SORCS2: variants seen among roughly 807,000 people sequenced by gnomAD.
SORCS2 encodes VPS10 domain-containing receptor SorCS2.
A neutral mutation model predicts 141.6 loss-of-function variants in SORCS2; 100 were observed. The ratio of observed to expected loss-of-function variants is 0.71; its 90% confidence interval spans 0.60 to 0.83. SORCS2 has a LOEUF of 0.83. SORCS2 is among the 40% of genes least tolerant of loss of function. The pLI is 0.00. For synonymous variants in SORCS2, 789 were observed against 676.9 expected, an observed-to-expected ratio of 1.17 and a Z score of -2.57; for missense variants, 1,646 against 1,560.2, an observed-to-expected ratio of 1.05 and a Z score of -0.93.
chr4:7,207,568 C>T (rs547420030), intron 1 of SORCS2, among the ~76,000 whole-genome samples: 17 of 152,316 alleles, frequency 1.1e-4, no homozygotes, highest in Admixed American at 7.2e-4. Context: ...CTGGGGCTGG[C>T]AGGATCCCTC....
chr4:7,434,668 G>A (rs1409737627), intron 2 of SORCS2: 1 of 1,612,572 alleles, frequency 6.2e-7, no homozygotes, highest in Non-Finnish European at 8.5e-7. Flanking sequence ...AGCGGCGGCT[G>A]CTATGTCCTG....
intron 3 of SORCS2, among the ~76,000 whole-genome samples, chr4:7,614,997 C>A (rs945280134): frequency 6.6e-6 from 1 of 152,066 alleles, no homozygotes; most frequent in African/African-American, 2.4e-5. Context: ...AGTGCTCCAC[C>A]CATCTGTTCA....
At chr4:7,268,170 T>C (rs1393178692) in intron 1 of SORCS2, among the ~76,000 whole-genome samples, 3 of 152,208 alleles carry the variant, frequency 2.0e-5, no homozygotes, top group Non-Finnish European at 4.4e-5. Context: ...CAGAGGACCC[T>C]CTGGGCTGAA....
intron 1 of SORCS2, among the ~76,000 whole-genome samples, chr4:7,357,498 C>T (rs956685323): frequency 6.6e-6 from 1 of 152,214 alleles, no homozygotes; most frequent in Admixed American, 6.5e-5. Context: ...TGCTAATGGA[C>T]TAAGTTTCCG....
At chr4:7,385,413 C>T (rs1376467475) in intron 1 of SORCS2, among the ~76,000 whole-genome samples, 2 of 152,220 alleles carry the variant, frequency 1.3e-5, no homozygotes, top group East Asian at 3.9e-4. Flanking sequence ...CCAGCCCAGC[C>T]AGCACTGTTG....
At chr4:7,593,471 A>G (rs965516888) in intron 3 of SORCS2, among the ~76,000 whole-genome samples, 6 of 152,162 alleles carry the variant, frequency 3.9e-5, no homozygotes, top group Non-Finnish European at 7.4e-5. Context: ...CTGTCCATCT[A>G]GCAAGGGCCA....
chr4:7,301,395 GC>G (rs1428878423), intron 1 of SORCS2, among the ~76,000 whole-genome samples: 1 of 152,226 alleles, frequency 6.6e-6, no homozygotes, highest in African/African-American at 2.4e-5. Flanking sequence ...GACGAGGGTG[GC>G]CAGGGCACCT....
intron 1 of SORCS2, among the ~76,000 whole-genome samples, chr4:7,252,359 C>T (rs970684949): frequency 2.0e-5 from 3 of 152,038 alleles, no homozygotes; most frequent in Admixed American, 2.0e-4. Flanking sequence ...CCGGGTGGGG[C>T]AGGGCAGAGC....
At chr4:7,334,115 C>G (rs1442857883) in intron 1 of SORCS2, among the ~76,000 whole-genome samples, 1 of 152,146 alleles carries the variant, frequency 6.6e-6, no homozygotes, top group East Asian at 1.9e-4. Context: ...ACCCTCCTCT[C>G]AAGAGCCCAC....
rs1215150591 is a variant in SORCS2 at position 7,663,009 on chromosome 4, A to G, written c.953-1344A>G. On this transcript the variant is annotated intron_variant, in intron 6 of 26. Coordinates refer to ENST00000507866, the MANE Select transcript of SORCS2 (RefSeq NM_020777.3). The surrounding 1 kb of genome is among the most constrained non-coding windows in gnomAD (Gnocchi z 4.8). ...GAGTGAGTGAGCGAGTGAGTGGATGAGTGAGTGGGTGAATGAGTGAATAGG... is the reference window on the plus strand; with the variant it reads ...GAGTGAGTGAGCGAGTGAGTGGATGGGTGAGTGGGTGAATGAGTGAATAGG... 6.6e-6 allele frequency among the ~76,000 whole-genome samples: 1 copy of G among 151,930 alleles called. No individual in the cohort carries two copies. Among genetic ancestry groups the G allele is most frequent in the East Asian group, 1.9e-4 (1 of 5,170 alleles).
At chr4:7,647,020 C>T (rs1434718582) in intron 4 of SORCS2, among the ~76,000 whole-genome samples, 1 of 152,146 alleles carries the variant, frequency 6.6e-6, no homozygotes, top group Non-Finnish European at 1.5e-5. Flanking sequence ...GGCCGGGAGA[C>T]CCGGACTCTT....
rs935900039 is a variant in SORCS2, at chr4:7,252,679, G to A, written c.480+59553G>A. 2.0e-5 allele frequency among the ~76,000 whole-genome samples: 3 copies of A among 152,080 alleles called. No individual in the cohort carries two copies. In the South Asian group the frequency reaches 6.2e-4, roughly 31 times the overall value. ...CCCAAACCAGGATGCTTCTGAGAGG[G>A]GCTGGGGGTGCGGGAGGGATTGGCA... On this transcript the variant is annotated intron_variant, in intron 1 of 26. Transcript: ENST00000507866.
At chr4:7,235,535 G>A (rs1712206827) in intron 1 of SORCS2, among the ~76,000 whole-genome samples, 1 of 152,254 alleles carries the variant, frequency 6.6e-6, no homozygotes, top group African/African-American at 2.4e-5. Flanking sequence ...CACAGAGCGG[G>A]TGGATGGGGA....
At chr4:7,594,356 G>A (rs1346119564) in intron 3 of SORCS2, among the ~76,000 whole-genome samples, 1 of 152,202 alleles carries the variant, frequency 6.6e-6, no homozygotes, top group Non-Finnish European at 1.5e-5. Context: ...GCAACTTTTG[G>A]AAATTACAGA....
chr4:7,729,492 G>T, intron 22 of SORCS2, 95 bp from the exon 23 acceptor site: 3 of 1,471,626 alleles, frequency 2.0e-6, no homozygotes, highest in Non-Finnish European at 2.7e-6. Context: ...CAGGTGTACA[G>T]GCCAAGAAGG....
chr4:7,722,822 T>C (rs1266415247), intron 18 of SORCS2, among the ~76,000 whole-genome samples: 5 of 152,234 alleles, frequency 3.3e-5, no homozygotes, highest in Non-Finnish European at 7.3e-5. Flanking sequence ...AAAAGTTTTC[T>C]ATCAACTTAC....
chr4:7,657,786 G>T (rs1156670370), intron 5 of SORCS2, among the ~76,000 whole-genome samples: 1 of 151,628 alleles, frequency 6.6e-6, no homozygotes, highest in Non-Finnish European at 1.5e-5. Context: ...CTGTGACTGG[G>T]TGAGTGAATG....
At position 7,199,658 on chromosome 4, in the gene SORCS2, G is replaced by A. The variant is rs534303109; in HGVS notation, c.480+6532G>A. Reference sequence around the variant, plus strand: ...CTGGGATGGGGAGCTGCGTAGACCCGCTTCCCTGGCCTGGGTGGGGCGGGC... The same window carrying A: ...CTGGGATGGGGAGCTGCGTAGACCCACTTCCCTGGCCTGGGTGGGGCGGGC... On this transcript the variant is annotated intron_variant, in intron 1 of 26. Coordinates refer to ENST00000507866, the MANE Select transcript of SORCS2 (RefSeq NM_020777.3). 4.3e-3 allele frequency among the ~76,000 whole-genome samples: 651 copies of A among 151,196 alleles called. 7 individuals are homozygous for A. Among genetic ancestry groups the A allele is most frequent in the African/African-American group, 0.015 (620 of 41,182 alleles).
intron 3 of SORCS2, among the ~76,000 whole-genome samples, chr4:7,560,168 T>G (rs1186487759): frequency 6.6e-6 from 1 of 152,196 alleles, no homozygotes; most frequent in African/African-American, 2.4e-5. Context: ...TTACCTTTAT[T>G]GATCTGTTTG....
Sources: gnomAD v4.1 joint callset for allele counts (sites outside exome capture counted in the v4.1 genomes callset) on GRCh38, gnomAD v4.1.1 for gene constraint, Gnocchi (gnomAD v3.1) non-coding constraint, MANE v1.5 for transcripts, NCBI Gene and HGNC (gene_info 2026-07-23, HGNC 2026-07-21) for gene names.